Variants in COL23A1 observed in about 807,000 individuals in gnomAD.
The protein encoded by COL23A1 is collagen type XXIII alpha 1 chain.
A neutral mutation model predicts 99.3 loss-of-function variants in COL23A1; 97 were observed. The observed-to-expected ratio is 0.98, with a 90% CI of 0.83 to 1.16. The LOEUF is 1.16. COL23A1 is among the 50% of genes most tolerant of loss of function. COL23A1 has a pLI of 0.00. For synonymous variants in COL23A1, 320 were observed against 308.2 expected (o/e 1.04, Z -0.40); for missense variants, 762 against 757.4 (o/e 1.01, Z -0.07).
intron 2 of COL23A1, among the ~76,000 whole-genome samples, chr5:178,369,154 C>T (rs1249294902): frequency 6.6e-6 from 1 of 152,222 alleles, no homozygotes; most frequent in Non-Finnish European, 1.5e-5. Flanking sequence ...GTCATGTGAG[C>T]ACAGCTAGGC....
chr5:178,582,262 A>G (rs1047047605), intron 1 of COL23A1, among the ~76,000 whole-genome samples: 3 of 150,884 alleles, frequency 2.0e-5, no homozygotes, highest in Non-Finnish European at 4.4e-5. Flanking sequence ...GCAAGCCATT[A>G]TGCCATTTCC....
intron 25 of COL23A1, among the ~76,000 whole-genome samples, chr5:178,243,663 G>C (rs967334581): frequency 1.3e-5 from 2 of 152,152 alleles, no homozygotes; most frequent in African/African-American, 4.8e-5. Flanking sequence ...TCACAGGTGG[G>C]GGTCAAGGGG....
chr5:178,257,404 C>CT, intron 13 of COL23A1, 119 bp downstream of exon 13: 1 of 1,197,878 alleles, frequency 8.3e-7, no homozygotes, highest in Non-Finnish European at 1.2e-6. Flanking sequence ...CTCCGGCCTG[C>CT]GCTGGGCACT....
In COL23A1 at chr5:178,360,769, G is replaced by A. The variant is rs147018466; in HGVS notation, c.362-53850C>T. On this transcript the variant is annotated intron_variant, in intron 2 of 28. Coordinates refer to ENST00000390654, the MANE Select transcript of COL23A1 (RefSeq NM_173465.4). Reference sequence around the variant, plus strand: ...TCATCCCACACGGAGCAGGTGCACCGGCTGCTGCTATACTTCTGCTGTGAC... The same window carrying A: ...TCATCCCACACGGAGCAGGTGCACCAGCTGCTGCTATACTTCTGCTGTGAC... 7.9e-5 allele frequency among the ~76,000 whole-genome samples: 12 copies of A among 152,292 alleles called. No individual in the cohort carries two copies. The East Asian group carries it at 1.2e-3, about 15-fold the overall frequency.
chr5:178,398,401 C>T (rs994581247), intron 2 of COL23A1, among the ~76,000 whole-genome samples: 8 of 152,146 alleles, frequency 5.3e-5, no homozygotes, highest in South Asian at 4.1e-4. Flanking sequence ...CCGACGCAGG[C>T]GGATCACATT....
At chr5:178,299,846 T>C (rs898461306) in intron 3 of COL23A1, among the ~76,000 whole-genome samples, 3 of 146,598 alleles carry the variant, frequency 2.0e-5, no homozygotes, top group South Asian at 2.2e-4. Context: ...CTCTGCCTCC[T>C]GGGTTCAAGC....
At chr5:178,433,212 C>G (rs945456165) in intron 2 of COL23A1, among the ~76,000 whole-genome samples, 1 of 152,008 alleles carries the variant, frequency 6.6e-6, no homozygotes, top group Admixed American at 6.5e-5. Context: ...CTCTGGGCCA[C>G]CAACTGCCAA....
chr5:178,552,436 A>G (rs1157765239), intron 2 of COL23A1, among the ~76,000 whole-genome samples: 1 of 152,194 alleles, frequency 6.6e-6, no homozygotes, highest in African/African-American at 2.4e-5. Context: ...CTGACATACC[A>G]AGGTAGCTGC....
chr5:178,518,791 C>A (rs1420014448), intron 2 of COL23A1, among the ~76,000 whole-genome samples: 3 of 148,836 alleles, frequency 2.0e-5, no homozygotes, highest in East Asian at 4.0e-4. Context: ...CCAAGGCAGG[C>A]GGCTGCTCCT....
intron 2 of COL23A1, among the ~76,000 whole-genome samples, chr5:178,448,746 C>G (rs533365888): frequency 4.0e-5 from 6 of 151,684 alleles, no homozygotes; most frequent in South Asian, 4.1e-4. Context: ...CCGTATACTG[C>G]TGCACTGGAG....
chr5:178,319,942 C>T (rs925370223), intron 2 of COL23A1, among the ~76,000 whole-genome samples: 2 of 152,230 alleles, frequency 1.3e-5, no homozygotes, highest in Admixed American at 1.3e-4. Context: ...TCCGTCACTC[C>T]TCAGGCCTGC....
intron 2 of COL23A1, among the ~76,000 whole-genome samples, chr5:178,416,326 C>T (rs1213313821): frequency 1.3e-5 from 2 of 152,198 alleles, no homozygotes; most frequent in Non-Finnish European, 2.9e-5. Context: ...AGCCCTGCAG[C>T]TGGCCTGCCT....
In COL23A1 at chr5:178,544,617, C is replaced by T. The variant is rs1761480513; in HGVS notation, c.361+16065G>A. Among the ~76,000 whole-genome samples the T allele has an allele frequency of 6.6e-6, 1 of 152,212 alleles. No individual in the cohort carries two copies. The highest frequency in any genetic ancestry group is 2.1e-4 in the South Asian group (1 of 4,836). On this transcript the variant is annotated intron_variant, in intron 2 of 28. Coordinates refer to ENST00000390654, the MANE Select transcript of COL23A1 (RefSeq NM_173465.4). The surrounding 1 kb of genome is among the most constrained non-coding windows in gnomAD (Gnocchi z 4.4). ...ATGTGAGCAAGCACTTTGGCCAGCA[C>T]AGCCGGCCTCTATCCCCACTGTGAG...
intron 25 of COL23A1, among the ~76,000 whole-genome samples, chr5:178,245,598 T>TCACCCATCCATC (rs1401630151): frequency 3.5e-5 from 5 of 143,678 alleles, no homozygotes; most frequent in Middle Eastern, 4.1e-3. Flanking sequence ...ATCCATCCAT[T>TCACCCATCCATC]CACCCATCCA....
At chr5:178,538,179 C>A (rs903177980) in intron 2 of COL23A1, among the ~76,000 whole-genome samples, 11 of 152,206 alleles carry the variant, frequency 7.2e-5, no homozygotes, top group Non-Finnish European at 1.3e-4. Context: ...CCTCCTCACA[C>A]AAGAGCCCCA....
At chr5:178,562,368 C>A in intron 1 of COL23A1, 1 of 186,944 alleles carries the variant, frequency 5.3e-6, no homozygotes, top group South Asian at 8.3e-5. Context: ...TCCTGGCTAA[C>A]ATGGTGAAAC....
At chr5:178,357,396 C>A (rs1403019688) in intron 2 of COL23A1, among the ~76,000 whole-genome samples, 9 of 152,244 alleles carry the variant, frequency 5.9e-5, no homozygotes, top group Non-Finnish European at 1.2e-4. Flanking sequence ...GGCCGCACAG[C>A]CTCGACTCAG....
chr5:178,540,907 G>A (rs1761250768), intron 2 of COL23A1, among the ~76,000 whole-genome samples: 1 of 152,028 alleles, frequency 6.6e-6, no homozygotes. Flanking sequence ...AGCCTAGGTG[G>A]ACAGAACAAG....
intron 2 of COL23A1, among the ~76,000 whole-genome samples, chr5:178,425,467 AAAAAT>A (rs1425633505): frequency 1.3e-5 from 2 of 150,396 alleles, no homozygotes; most frequent in Non-Finnish European, 3.0e-5. Context: ...ATAAATAAAT[AAAAAT>A]AAAATAAAGC....
Sources: allele counts gnomAD v4.1 joint callset (sites outside exome capture counted in the v4.1 genomes callset), GRCh38; gene constraint gnomAD v4.1.1; non-coding constraint Gnocchi (gnomAD v3.1); transcripts MANE v1.5; gene names NCBI Gene and HGNC (gene_info 2026-07-23, HGNC 2026-07-21).